The following ACTL6B variants were observed in gnomAD, a reference collection of about 807,000 sequenced individuals.
ACTL6B encodes actin-like protein 6B.
Under a neutral mutation model 63.3 loss-of-function variants are expected in ACTL6B, and 48 were observed. The observed-to-expected ratio is 0.76, with a 90% CI of 0.60 to 0.96. The LOEUF is 0.96. Ranked by LOEUF, ACTL6B falls within the 50% of genes least tolerant of loss-of-function variation. The pLI is 0.00. For missense variants in ACTL6B, 350 were observed against 572.2 expected, an observed-to-expected ratio of 0.61 and a Z score of 3.96; for synonymous variants, 230 against 223.8, an observed-to-expected ratio of 1.03 and a Z score of -0.25.
chr7:100,645,624 T>C (rs960093221), intron 13 of ACTL6B, among the ~76,000 whole-genome samples: 2 of 149,010 alleles, frequency 1.3e-5, no homozygotes, highest in African/African-American at 4.9e-5. Flanking sequence ...CAACTACCTG[T>C]CCCTCTACTC....
At position 100,655,991 on chromosome 7, in the gene ACTL6B, TG is replaced by T. The variant is rs1053798830; in HGVS notation, c.26-113del. The T allele has an allele frequency of 8.2e-6, 9 of 1,096,780 alleles. No homozygotes were observed. Among genetic ancestry groups the T allele is most frequent in the African/African-American group, 3.2e-5 (2 of 63,204 alleles). The allele number at this position is 1,096,780 out of a possible 1,614,324, so 67.9% of individuals were successfully genotyped here. A position where few individuals can be genotyped will look rare whatever the true frequency, so the allele number is the denominator to read the frequency against. ...AGTCTCGCCACTTTCAACACCAGTCTGGGGCCGGTGGGAGCTGGGCCTGGAG... is the reference window on the plus strand; with the variant it reads ...AGTCTCGCCACTTTCAACACCAGTCTGGGCCGGTGGGAGCTGGGCCTGGAG... On this transcript the variant is annotated intron_variant, in intron 1 of 13. Transcript: ENST00000160382. This position sits in a 1 kb window ranked among gnomAD's most constrained non-coding sequence, Gnocchi z 4.4.
intron 4 of ACTL6B, among the ~76,000 whole-genome samples, chr7:100,653,845 A>G (rs894897144): frequency 2.0e-5 from 3 of 152,200 alleles, no homozygotes; most frequent in Non-Finnish European, 4.4e-5. Context: ...ACAGGCAGCA[A>G]TTTAAGTGTA....
In ACTL6B at chr7:100,655,453, G is replaced by A. The variant is rs1324552122; in HGVS notation, c.236C>T (p.Ala79Val). 1.5e-5 allele frequency: 24 copies of A among 1,614,022 alleles called. No homozygotes were observed. Among genetic ancestry groups the A allele is most frequent in the Middle Eastern group, 1.6e-4 (1 of 6,084 alleles). Residue 79 changes from alanine (A) to valine (V), a missense_variant, in exon 3 of 14, where the codon GCG becomes GTG. Ala to Val is a moderately conservative substitution (Grantham distance 64). Transcript: ENST00000160382. This position sits in a 1 kb window ranked among gnomAD's most constrained non-coding sequence, Gnocchi z 4.4. Reference protein sequence around the residue: ...TNALHVPRDGAEVMSPLKNGM... With the variant: ...TNALHVPRDGVEVMSPLKNGM... Reference sequence around the variant, plus strand: ...ATTCTTGAGGGGCGACATGACCTCCGCTCCATCCCGAGGCACGTGCAGGGC... The same window carrying A: ...ATTCTTGAGGGGCGACATGACCTCCACTCCATCCCGAGGCACGTGCAGGGC...
In ACTL6B at chr7:100,656,362, G is replaced by T. The variant is rs966808690; in HGVS notation, c.-8C>A. On this transcript the variant is annotated 5_prime_UTR_variant, in exon 1 of 14. Transcript: ENST00000160382. ...GTAGACGCCCCCGCTCATAGTGCCCGCTGCGCTGCTAGCGGCCCGTGGGCG... is the reference window on the plus strand; with the variant it reads ...GTAGACGCCCCCGCTCATAGTGCCCTCTGCGCTGCTAGCGGCCCGTGGGCG... The T allele has an allele frequency of 7.4e-6, 10 of 1,346,022 alleles. No individual in the cohort carries two copies. The African/African-American group carries it at 1.2e-4, about 16-fold the overall frequency. 83.4% of individuals were successfully genotyped at this position (1,346,022 alleles called of 1,614,324 possible). A position where few individuals can be genotyped will look rare whatever the true frequency, so the allele number is the denominator to read the frequency against.
In ACTL6B at chr7:100,655,178, G is replaced by T; in HGVS notation, c.269-59C>A. On this transcript the variant is annotated intron_variant, in intron 3 of 13. Coordinates refer to ENST00000160382, the MANE Select transcript of ACTL6B (RefSeq NM_016188.5). This position sits in a 1 kb window ranked among gnomAD's most constrained non-coding sequence, Gnocchi z 4.4. ...GAAGGCAGGCAGGGGACAGGGACAG[G>T]AAGAAAAGGAGGGAGAAAGGCCAAG... 2 of 1,464,720 alleles carry T rather than the reference G, an allele frequency of 1.4e-6. No homozygotes were observed. Among genetic ancestry groups the T allele is most frequent in the Non-Finnish European group, 1.9e-6 (2 of 1,049,270 alleles). The allele number at this position is 1,464,720 out of a possible 1,614,324, so 90.7% of individuals were successfully genotyped here.
chr7:100,654,916 G>C lies in ACTL6B; in HGVS notation c.369+103C>G. 3 of 958,032 alleles carry C rather than the reference G, an allele frequency of 3.1e-6. No individual in the cohort carries two copies. In the South Asian group the frequency reaches 4.4e-5, roughly 14 times the overall value. 59.3% of individuals were successfully genotyped at this position (958,032 alleles called of 1,614,324 possible). A position where few individuals can be genotyped will look rare whatever the true frequency, so the allele number is the denominator to read the frequency against. On this transcript the variant is annotated intron_variant, in intron 4 of 13. Coordinates refer to ENST00000160382, the MANE Select transcript of ACTL6B (RefSeq NM_016188.5). Reference sequence around the variant, plus strand: ...AGGGGAGTCTGAAAAGGGAAGGGAAGTGGCTCAGAGCAGTGGCTTGAGGGG... The same window carrying C: ...AGGGGAGTCTGAAAAGGGAAGGGAACTGGCTCAGAGCAGTGGCTTGAGGGG...
intron 13 of ACTL6B, among the ~76,000 whole-genome samples, chr7:100,645,275 C>T (rs1466036207): frequency 1.3e-5 from 2 of 152,068 alleles, no homozygotes; most frequent in Non-Finnish European, 1.5e-5. Context: ...CTCCAGCTCC[C>T]TGCTCAGTAC....
intron 13 of ACTL6B, among the ~76,000 whole-genome samples, chr7:100,645,244 C>T (rs1423463623): frequency 1.3e-5 from 2 of 152,014 alleles, no homozygotes; most frequent in East Asian, 3.9e-4. Context: ...GTGACTGATA[C>T]CCTCCAGATG....
chr7:100,655,157 G>A lies in ACTL6B; in HGVS notation c.269-38C>T. 6.5e-7 allele frequency: 1 copy of A among 1,543,266 alleles called. No individual in the cohort carries two copies. Among genetic ancestry groups the A allele is most frequent in the Non-Finnish European group, 9.0e-7 (1 of 1,116,886 alleles). On this transcript the variant is annotated intron_variant, in intron 3 of 13. Coordinates refer to ENST00000160382, the MANE Select transcript of ACTL6B (RefSeq NM_016188.5). The surrounding 1 kb of genome is among the most constrained non-coding windows in gnomAD (Gnocchi z 4.4). The stretch of plus-strand genomic sequence containing the variant: ...GAGCAGCGTGCAGAGACGCAAGAAG[G>A]CAGGCAGGGGACAGGGACAGGAAGA...
At position 100,647,388 on chromosome 7, in the gene ACTL6B, G is replaced by A. The variant is rs1803844510; in HGVS notation, c.759+56C>T. 1.1e-5 allele frequency: 17 copies of A among 1,595,658 alleles called. No homozygotes were observed. Among genetic ancestry groups the A allele is most frequent in the South Asian group, 7.7e-5 (7 of 90,536 alleles). On this transcript the variant is annotated intron_variant, in intron 8 of 13. Transcript: ENST00000160382. The surrounding 1 kb of genome is among the most constrained non-coding windows in gnomAD (Gnocchi z 4.4). ...CCCTCCCATGCGGGGCCTCTGTCCC[G>A]CCCCCGATTCATGGCAGGGGAGGGG...
At position 100,646,011 on chromosome 7, in the gene ACTL6B, T is replaced by TC. The variant is rs754968511; in HGVS notation, c.1200+237dup. On this transcript the variant is annotated intron_variant, in intron 13 of 13. Coordinates refer to ENST00000160382, the MANE Select transcript of ACTL6B (RefSeq NM_016188.5). This position sits in a 1 kb window ranked among gnomAD's most constrained non-coding sequence, Gnocchi z 6.1. Reference sequence around the variant, plus strand: ...GTTTTCAACTCCTAGCCTCAAGCCATCCCCCCACTTCAGCCACCCAAAGTG... The same window carrying TC: ...GTTTTCAACTCCTAGCCTCAAGCCATCCCCCCCACTTCAGCCACCCAAAGTG... 3.3e-5 allele frequency among the ~76,000 whole-genome samples: 5 copies of TC among 152,166 alleles called. No individual in the cohort carries two copies. Among genetic ancestry groups the TC allele is most frequent in the Non-Finnish European group, 7.4e-5 (5 of 68,002 alleles).
At position 100,655,055 on chromosome 7, in the gene ACTL6B, C is replaced by T. The variant is rs549236457; in HGVS notation, c.333G>A (p.Glu111=). The T allele has an allele frequency of 3.1e-6, 5 of 1,614,054 alleles. No individual in the cohort carries two copies. In the South Asian group the frequency reaches 4.4e-5, roughly 14 times the overall value. The change falls in exon 4 of 14, where the codon GAG becomes GAA. Residue 111 remains glutamate (E), a synonymous_variant. Transcript: ENST00000160382. This position sits in a 1 kb window ranked among gnomAD's most constrained non-coding sequence, Gnocchi z 4.4. ...ACATGAGCACTGGGTGCAGGTTTGG[C>T]TCAGACTTGACGTGTTTGCTGTAGG... The part of the protein sequence containing the change: ...DHTYSKHVKS[E]PNLHPVLMSE...
In ACTL6B at chr7:100,647,980, G is replaced by A. The variant is rs1212758906; in HGVS notation, c.670-447C>T. On this transcript the variant is annotated intron_variant, in intron 7 of 13. Coordinates refer to ENST00000160382, the MANE Select transcript of ACTL6B (RefSeq NM_016188.5). The surrounding 1 kb of genome is among the most constrained non-coding windows in gnomAD (Gnocchi z 4.4). Reference sequence around the variant, plus strand: ...CAGCTCTTTTTTTTTTTTTTTTTCAGATGGAGTCTCACTCGGTCGCCCAGG... The same window carrying A: ...CAGCTCTTTTTTTTTTTTTTTTTCAAATGGAGTCTCACTCGGTCGCCCAGG... Among the ~76,000 whole-genome samples the A allele has an allele frequency of 7.5e-6, 1 of 133,762 alleles. No individual in the cohort carries two copies. The highest frequency in any genetic ancestry group is 2.8e-5 in the African/African-American group (1 of 35,752). 87.8% of individuals were successfully genotyped at this position (133,762 alleles called of 152,430 possible). A position where few individuals can be genotyped will look rare whatever the true frequency, so the allele number is the denominator to read the frequency against.
chr7:100,652,999 C>CAA lies in ACTL6B; in HGVS notation c.369+2018_369+2019dup, dbSNP rs58707737. ...CTGGTGACAGAGCAAAACTCCGTCT[C>CAA]AAAAAAAAAAAAAAAAAAAAAAAAA... On this transcript the variant is annotated intron_variant, in intron 4 of 13. Transcript: ENST00000160382. Among the ~76,000 whole-genome samples, 165 of 25,932 alleles carry CAA rather than the reference C, an allele frequency of 6.4e-3. 10 individuals are homozygous for CAA. Among genetic ancestry groups the CAA allele is most frequent in the Middle Eastern group, 0.059 (2 of 34 alleles). The allele number at this position is 25,932 out of a possible 152,430, so 17.0% of individuals were successfully genotyped here.
chr7:100,646,394 T>C lies in ACTL6B; in HGVS notation c.1114-59A>G. The C allele has an allele frequency of 1.9e-6, 3 of 1,590,480 alleles. No homozygotes were observed. The highest frequency in any genetic ancestry group is 2.6e-6 in the Non-Finnish European group (3 of 1,163,746). On this transcript the variant is annotated intron_variant, in intron 12 of 13. Transcript: ENST00000160382. This position sits in a 1 kb window ranked among gnomAD's most constrained non-coding sequence, Gnocchi z 6.1. ...CCTAGGTTCTGGGAAGGGACAGGGC[T>C]TGGGGGAGAGGGGAAGACTTGGGAA...
At chr7:100,650,002 C>T (rs759241772) in intron 5 of ACTL6B, 36 bp downstream of exon 5, 3 of 1,598,660 alleles carry the variant, frequency 1.9e-6, no homozygotes, top group Non-Finnish European at 2.6e-6. Flanking sequence ...CACCCCAGCC[C>T]TCCACCCAGT....
At chr7:100,651,843 C>A (rs546417246) in intron 4 of ACTL6B, among the ~76,000 whole-genome samples, 1 of 151,440 alleles carries the variant, frequency 6.6e-6, no homozygotes, top group African/African-American at 2.4e-5. Context: ...GCTGGGATTA[C>A]AGGAGTGAGC....
chr7:100,646,226 A>G lies in ACTL6B; in HGVS notation c.1200+23T>C, dbSNP rs1432840483. The G allele has an allele frequency of 1.9e-6, 3 of 1,608,054 alleles. No individual in the cohort carries two copies. Among genetic ancestry groups the G allele is most frequent in the Non-Finnish European group, 1.7e-6 (2 of 1,175,816 alleles). Reference sequence around the variant, plus strand: ...TCCCCTCTCCCCCACAGTCAGTGCTAGGCCAGGTCCCTTTCCTCTCACCAG... The same window carrying G: ...TCCCCTCTCCCCCACAGTCAGTGCTGGGCCAGGTCCCTTTCCTCTCACCAG... On this transcript the variant is annotated intron_variant, in intron 13 of 13. Transcript: ENST00000160382. The surrounding 1 kb of genome is among the most constrained non-coding windows in gnomAD (Gnocchi z 6.1).
chr7:100,643,430 G>C, intron 13 of ACTL6B, 104 bp from the exon 14 acceptor site: 1 of 1,168,836 alleles, frequency 8.6e-7, no homozygotes, highest in Admixed American at 1.9e-5. Flanking sequence ...ACCACCCCTT[G>C]GGTTCACATC....
Sources: allele counts gnomAD v4.1 joint callset (sites outside exome capture counted in the v4.1 genomes callset), GRCh38; gene constraint gnomAD v4.1.1; non-coding constraint Gnocchi (gnomAD v3.1); transcripts MANE v1.5; gene names NCBI Gene and HGNC (gene_info 2026-07-23, HGNC 2026-07-21).